BOC: variants seen among roughly 807,000 people sequenced by gnomAD.
BOC encodes the protein brother of CDO.
In BOC, 76 loss-of-function variants were observed where a neutral mutation model predicts 112.0. That is an observed-to-expected ratio of 0.68 (90% confidence interval 0.56 to 0.82). The LOEUF (loss-of-function observed/expected upper bound fraction) is 0.82. Among genes scored for constraint, BOC ranks in the 40% least tolerant of loss-of-function variants. The pLI is 0.00. For missense variants in BOC, 1,309 were observed against 1,511.7 expected (o/e 0.87, Z 2.22); for synonymous variants, 580 against 599.8 (o/e 0.97, Z 0.48).
chr3:113,218,596 C>T (rs1054791218), intron 2 of BOC, among the ~76,000 whole-genome samples: 13 of 152,324 alleles, frequency 8.5e-5, no homozygotes, highest in African/African-American at 3.1e-4. Flanking sequence ...AGCTGTTTAC[C>T]TCTGTCATTA....
intron 2 of BOC, among the ~76,000 whole-genome samples, chr3:113,231,630 T>C (rs1481236448): frequency 1.3e-5 from 2 of 152,242 alleles, no homozygotes; most frequent in African/African-American, 2.4e-5. Context: ...TGATGCATAA[T>C]AGCATACTAA....
At chr3:113,255,921 A>G (rs545332607) in intron 4 of BOC, among the ~76,000 whole-genome samples, 1 of 152,252 alleles carries the variant, frequency 6.6e-6, no homozygotes, top group Admixed American at 6.5e-5. Flanking sequence ...AAAAATTTTT[A>G]AATTCTGGGT....
At chr3:113,218,681 A>G (rs1939963819) in intron 2 of BOC, among the ~76,000 whole-genome samples, 1 of 152,256 alleles carries the variant, frequency 6.6e-6, no homozygotes, top group Non-Finnish European at 1.5e-5. Flanking sequence ...TGGATCATCC[A>G]ATGTACAGAC....
At chr3:113,241,673 A>G (rs992136589) in intron 2 of BOC, among the ~76,000 whole-genome samples, 5 of 152,232 alleles carry the variant, frequency 3.3e-5, no homozygotes, top group African/African-American at 1.2e-4. Context: ...TCACTGCATT[A>G]CAATGAATAT....
chr3:113,281,228 T>C (rs1949170597), intron 15 of BOC, 75 bp downstream of exon 15: 2 of 1,550,976 alleles, frequency 1.3e-6, no homozygotes, highest in East Asian at 4.5e-5. Flanking sequence ...TCCCTGTGCC[T>C]GTGCGGTGCT....
At chr3:113,285,700 T>C in intron 19 of BOC, 135 bp downstream of exon 19, 2 of 927,186 alleles carry the variant, frequency 2.2e-6, no homozygotes, top group South Asian at 2.0e-5. Flanking sequence ...GTGGGAGGGA[T>C]GGGGCATCGA....
At chr3:113,229,157 C>T (rs945471790) in intron 2 of BOC, among the ~76,000 whole-genome samples, 6 of 152,138 alleles carry the variant, frequency 3.9e-5, no homozygotes, top group South Asian at 2.1e-4. Flanking sequence ...AACTGAAAAT[C>T]GACTCCTTCG....
chr3:113,226,363 G>T (rs1477472824), intron 2 of BOC, among the ~76,000 whole-genome samples: 2 of 152,124 alleles, frequency 1.3e-5, no homozygotes, highest in African/African-American at 4.8e-5. Flanking sequence ...TCTCTGGTGT[G>T]GTCTGGGTCT....
At chr3:113,242,636 G>A (rs1944449355) in intron 2 of BOC, among the ~76,000 whole-genome samples, 1 of 151,902 alleles carries the variant, frequency 6.6e-6, no homozygotes, top group South Asian at 2.1e-4. Context: ...TAAATTCTGG[G>A]TTCAGTGAGA....
At chr3:113,271,714 G>A (rs528200681) in intron 6 of BOC, 10 of 168,978 alleles carry the variant, frequency 5.9e-5, no homozygotes, top group African/African-American at 9.6e-5. Context: ...CATATAAAGC[G>A]GAATCACACA....
intron 4 of BOC, among the ~76,000 whole-genome samples, chr3:113,257,207 G>A (rs1946319726): frequency 6.6e-6 from 1 of 152,210 alleles, no homozygotes; most frequent in African/African-American, 2.4e-5. Context: ...AGACGGAGAT[G>A]TTTCCACGCT....
At chr3:113,238,596 A>G (rs1441446510) in intron 2 of BOC, among the ~76,000 whole-genome samples, 1 of 152,246 alleles carries the variant, frequency 6.6e-6, no homozygotes, top group Non-Finnish European at 1.5e-5. Flanking sequence ...GTAATAGTCC[A>G]TCAATTATTA....
chr3:113,243,166 A>G (rs1405286727), intron 2 of BOC, among the ~76,000 whole-genome samples: 1 of 152,224 alleles, frequency 6.6e-6, no homozygotes, highest in Non-Finnish European at 1.5e-5. Flanking sequence ...CTCTCACAAG[A>G]GGACAAGTGG....
chr3:113,225,613 C>T (rs539713841), intron 2 of BOC, among the ~76,000 whole-genome samples: 1 of 152,352 alleles, frequency 6.6e-6, no homozygotes, highest in East Asian at 1.9e-4. Flanking sequence ...ATTTGCCTGG[C>T]TAATATTACA....
chr3:113,280,089 C>A, intron 13 of BOC, 84 bp downstream of exon 13: 3 of 1,357,334 alleles, frequency 2.2e-6, no homozygotes, highest in Non-Finnish European at 3.0e-6. Flanking sequence ...TAGACTCCCC[C>A]GAACAGGGCA....
intron 12 of BOC, 120 bp from the exon 13 acceptor site, chr3:113,279,704 G>C: frequency 8.8e-7 from 1 of 1,133,802 alleles, no homozygotes; most frequent in Non-Finnish European, 1.2e-6. Context: ...AGGCCTTTGA[G>C]AACTTGCTTT....
At chr3:113,240,339 G>A (rs1944129157) in intron 2 of BOC, among the ~76,000 whole-genome samples, 1 of 152,166 alleles carries the variant, frequency 6.6e-6, no homozygotes, top group Admixed American at 6.5e-5. Flanking sequence ...TGGAGGAGGG[G>A]ATAACAAAGG....
Position 113,274,685 on chromosome 3 carries a change from A to G in BOC, c.1542+3A>G. 2 of 1,583,662 alleles carry G rather than the reference A, an allele frequency of 1.3e-6. No homozygotes were observed. The highest frequency in any genetic ancestry group is 2.3e-5 in the East Asian group (1 of 44,174). ...ACTATGTGGTGAAACACCGCAAGGT[A>G]TGGCCCTGGTGTGGGGCTGCTGCCT... On this transcript the variant is annotated splice_donor_region_variant and intron_variant, in intron 9 of 19. Coordinates refer to ENST00000682979, the MANE Select transcript of BOC (RefSeq NM_001378074.1). This position sits in a 1 kb window ranked among gnomAD's most constrained non-coding sequence, Gnocchi z 4.8.
chr3:113,262,218 C>A (rs1406452174), intron 4 of BOC, among the ~76,000 whole-genome samples: 1 of 152,176 alleles, frequency 6.6e-6, no homozygotes, highest in Non-Finnish European at 1.5e-5. Context: ...ACTCACTCTG[C>A]CAACTGTGTT....
Sources: gnomAD v4.1 joint callset for allele counts (sites outside exome capture counted in the v4.1 genomes callset) on GRCh38, gnomAD v4.1.1 for gene constraint, Gnocchi (gnomAD v3.1) non-coding constraint, MANE v1.5 for transcripts, NCBI Gene and HGNC (gene_info 2026-07-23, HGNC 2026-07-21) for gene names.